Variants in ARID4B observed in about 807,000 individuals in gnomAD.
The protein encoded by ARID4B is AT-rich interactive domain-containing protein 4B.
Under a neutral mutation model 147.5 loss-of-function variants are expected in ARID4B, and 26 were observed. That is an observed-to-expected ratio of 0.18 (90% CI 0.13 to 0.24). ARID4B has a LOEUF of 0.24. ARID4B is among the 10% of genes least tolerant of loss of function. The probability of loss-of-function intolerance (pLI) is 1.00; values close to 1 mark genes in which losing one functional copy is unlikely to be tolerated. For missense variants in ARID4B, 1,179 were observed against 1,511.5 expected, an observed-to-expected ratio of 0.78 and a Z score of 3.65; for synonymous variants, 512 against 507.9, an observed-to-expected ratio of 1.01 and a Z score of -0.11.
chr1:235,230,598 A>C lies in ARID4B; in HGVS notation c.742+515T>G, dbSNP rs1270084935. On this transcript the variant is annotated intron_variant, in intron 10 of 23. Coordinates refer to ENST00000264183, the MANE Select transcript of ARID4B (RefSeq NM_016374.6). ...TTATTATGCCTGACTATAAGCTAAAAAAAAAAAAAAAAAAAAAACCAGAAA... is the reference window on the plus strand; with the variant it reads ...TTATTATGCCTGACTATAAGCTAAACAAAAAAAAAAAAAAAAAACCAGAAA... Among the ~76,000 whole-genome samples, 3 of 119,614 alleles carry C rather than the reference A, an allele frequency of 2.5e-5. No individual in the cohort carries two copies. The Admixed American group carries it at 2.7e-4, about 11-fold the overall frequency. The allele number at this position is 119,614 out of a possible 152,430, so 78.5% of individuals were successfully genotyped here.
intron 16 of ARID4B, among the ~76,000 whole-genome samples, chr1:235,216,245 A>T (rs999542143): frequency 6.6e-6 from 1 of 152,102 alleles, no homozygotes; most frequent in Non-Finnish European, 1.5e-5. Context: ...TCAAATATAT[A>T]AGTATTTAAA....
At chr1:235,227,237 A>G (rs188289198) in intron 11 of ARID4B, among the ~76,000 whole-genome samples, 1 of 152,302 alleles carries the variant, frequency 6.6e-6, no homozygotes, top group East Asian at 1.9e-4. Context: ...AAGGGAAATG[A>G]TGAGAAAAAA....
At chr1:235,255,109 T>A (rs1391331758) in intron 5 of ARID4B, among the ~76,000 whole-genome samples, 10 of 151,764 alleles carry the variant, frequency 6.6e-5, no homozygotes, top group African/African-American at 2.2e-4. Context: ...AGACATTCAA[T>A]CCAGCATTTA....
At chr1:235,326,729 T>A in intron 2 of ARID4B, 185 bp downstream of exon 2, 1 of 674,742 alleles carries the variant, frequency 1.5e-6, no homozygotes, top group Admixed American at 2.4e-5. Context: ...ATCCTATAAC[T>A]GCCTCCAACT....
chr1:235,300,236 C>T (rs1321833266), intron 2 of ARID4B, among the ~76,000 whole-genome samples: 1 of 151,906 alleles, frequency 6.6e-6, no homozygotes, highest in Non-Finnish European at 1.5e-5. Flanking sequence ...GCCAACATGG[C>T]AAAACCCCAT....
intron 7 of ARID4B, 120 bp from the exon 8 acceptor site, chr1:235,240,571 T>G (rs1668917275): frequency 1.1e-6 from 1 of 890,406 alleles, no homozygotes; most frequent in South Asian, 1.6e-5. Context: ...AAATGGCTAA[T>G]TTAAATCTTA....
At chr1:235,318,918 G>T (rs1674629823) in intron 2 of ARID4B, among the ~76,000 whole-genome samples, 1 of 152,098 alleles carries the variant, frequency 6.6e-6, no homozygotes, top group South Asian at 2.1e-4. Context: ...AGGGATAAAA[G>T]AAAGGGAGAA....
intron 14 of ARID4B, among the ~76,000 whole-genome samples, chr1:235,221,070 G>A (rs1667438518): frequency 6.6e-6 from 1 of 152,096 alleles, no homozygotes; most frequent in South Asian, 2.1e-4. Flanking sequence ...GGTAATTTTT[G>A]TATTTTTAGT....
intron 21 of ARID4B, among the ~76,000 whole-genome samples, chr1:235,177,228 T>C (rs1037693114): frequency 6.6e-6 from 1 of 152,226 alleles, no homozygotes. Flanking sequence ...AAATAACATG[T>C]AGTTGAAATA....
intron 18 of ARID4B, among the ~76,000 whole-genome samples, chr1:235,194,664 T>C (rs964006523): frequency 4.4e-4 from 67 of 151,952 alleles, no homozygotes; most frequent in African/African-American, 1.5e-3. Flanking sequence ...CTACTAAAAA[T>C]ACAAAAGTAG....
chr1:235,225,208 A>C (rs1667752425), intron 11 of ARID4B, among the ~76,000 whole-genome samples: 1 of 152,216 alleles, frequency 6.6e-6, no homozygotes, highest in Admixed American at 6.5e-5. Flanking sequence ...AAGGTACTAT[A>C]AAAGTATGGG....
At chr1:235,259,662 C>T (rs1320490575) in intron 3 of ARID4B, among the ~76,000 whole-genome samples, 1 of 152,162 alleles carries the variant, frequency 6.6e-6, no homozygotes. Flanking sequence ...CCAAGACTAG[C>T]CCCCTACCAG....
chr1:235,271,236 TC>T (rs1265722128), intron 2 of ARID4B, among the ~76,000 whole-genome samples: 3 of 151,968 alleles, frequency 2.0e-5, no homozygotes, highest in Non-Finnish European at 4.4e-5. Flanking sequence ...ACACTTATGG[TC>T]CCAGCTACTA....
Position 235,168,376 on chromosome 1 carries a change from T to G in ARID4B, c.*149A>C, listed in dbSNP as rs1410976394. The G allele has an allele frequency of 3.7e-6, 3 of 801,794 alleles. No individual in the cohort carries two copies. Among genetic ancestry groups the G allele is most frequent in the Non-Finnish European group, 1.8e-6 (1 of 547,226 alleles). The allele number at this position is 801,794 out of a possible 1,614,324, so 49.7% of individuals were successfully genotyped here. A position where few individuals can be genotyped will look rare whatever the true frequency, so the allele number is the denominator to read the frequency against. Reference sequence around the variant, plus strand: ...ATTGTACTTTTTCTTCATAAAAAAGTGCACTTAAGTGCCAAGTCAGCTTGT... The same window carrying G: ...ATTGTACTTTTTCTTCATAAAAAAGGGCACTTAAGTGCCAAGTCAGCTTGT... On this transcript the variant is annotated 3_prime_UTR_variant, in exon 24 of 24. Coordinates refer to ENST00000264183, the MANE Select transcript of ARID4B (RefSeq NM_016374.6).
In ARID4B at chr1:235,181,626, G is replaced by A. The variant is rs1664315020; in HGVS notation, c.3293C>T (p.Ser1098Leu). The A allele has an allele frequency of 3.1e-6, 5 of 1,613,550 alleles. No individual in the cohort carries two copies. Among genetic ancestry groups the A allele is most frequent in the Non-Finnish European group, 4.2e-6 (5 of 1,180,022 alleles). The change falls in exon 20 of 24, where the codon TCA (serine) becomes TTA (leucine). Residue 1098 changes from serine (S) to leucine (L), a missense_variant. Physicochemically the swap from Ser to Leu is moderately radical, Grantham distance 145. Transcript: ENST00000264183. ...SPAGFDASVS[S>L]SSSNQPEPEH... ...TGGTTCTGGCTGATTACTACTGCTT[G>A]AGCTCACACTGGCATCAAAACCTGC...
chr1:235,220,281 A>G, intron 15 of ARID4B, 21 bp downstream of exon 15: 2 of 1,574,768 alleles, frequency 1.3e-6, no homozygotes, highest in Non-Finnish European at 1.7e-6. Flanking sequence ...AGCAAAAGAC[A>G]ATTAACAATA....
At chr1:235,282,536 G>C (rs1216939702) in intron 2 of ARID4B, among the ~76,000 whole-genome samples, 1 of 151,976 alleles carries the variant, frequency 6.6e-6, no homozygotes, top group Non-Finnish European at 1.5e-5. Context: ...TTATAAATAT[G>C]GAAAATTTTA....
chr1:235,176,438 A>C (rs1344645515), intron 21 of ARID4B, among the ~76,000 whole-genome samples: 1 of 66,414 alleles, frequency 1.5e-5, no homozygotes, highest in Non-Finnish European at 2.8e-5. Context: ...CAACATCACC[A>C]AAAAAAAAAA....
intron 2 of ARID4B, among the ~76,000 whole-genome samples, chr1:235,276,190 CAAA>C (rs1190767913): frequency 1.4e-4 from 8 of 56,028 alleles, no homozygotes; most frequent in Admixed American, 1.9e-4. Context: ...ACATACGAAG[CAAA>C]AAAAAAAAAA....
Sources: gnomAD v4.1 joint callset for allele counts (sites outside exome capture counted in the v4.1 genomes callset) on GRCh38, gnomAD v4.1.1 for gene constraint, MANE v1.5 for transcripts, NCBI Gene and HGNC (gene_info 2026-07-23, HGNC 2026-07-21) for gene names.